RBFOX1: variants seen among roughly 807,000 people sequenced by gnomAD.
The protein encoded by RBFOX1 is RNA binding fox-1 homolog 1.
Under a neutral mutation model 57.7 loss-of-function variants are expected in RBFOX1, and 8 were observed. That is an observed-to-expected ratio of 0.14 (90% confidence interval 0.08 to 0.25). The LOEUF is 0.25. RBFOX1 is among the 10% of genes least tolerant of loss of function. RBFOX1 has a pLI of 1.00. For missense variants in RBFOX1, 611 were observed against 548.5 expected (o/e 1.11, Z -1.14); for synonymous variants, 326 against 222.4 (o/e 1.47, Z -4.15).
At chr16:7,669,200 G>A (rs1223645408) in intron 13 of RBFOX1, among the ~76,000 whole-genome samples, 1 of 152,196 alleles carries the variant, frequency 6.6e-6, no homozygotes, top group Non-Finnish European at 1.5e-5. Flanking sequence ...CACCATGACT[G>A]ACCCCTGAAG....
At chr16:6,654,287 C>T (rs1380359967) in intron 2 of RBFOX1, among the ~76,000 whole-genome samples, 6 of 152,142 alleles carry the variant, frequency 3.9e-5, no homozygotes, top group Admixed American at 3.9e-4. Flanking sequence ...CTGATGTGAA[C>T]AATTGTATGG....
At chr16:5,510,477 C>G (rs1374109122) in intron 2 of RBFOX1, among the ~76,000 whole-genome samples, 4 of 143,862 alleles carry the variant, frequency 2.8e-5, no homozygotes, top group African/African-American at 1.1e-4. Flanking sequence ...AGTCCTGAAA[C>G]CAGCATGTCA....
intron 1 of RBFOX1, among the ~76,000 whole-genome samples, chr16:5,426,044 A>T (rs1346317402): frequency 1.3e-5 from 2 of 152,170 alleles, no homozygotes; most frequent in Non-Finnish European, 1.5e-5. Context: ...CGGAACCCAA[A>T]ACACAAAACA....
intron 1 of RBFOX1, among the ~76,000 whole-genome samples, chr16:5,358,194 T>C (rs1567382018): frequency 6.6e-6 from 1 of 152,066 alleles, no homozygotes. Context: ...TGCATCACCC[T>C]GACCTCTACC....
Position 6,486,378 on chromosome 16 carries a change from T to G in RBFOX1, c.-63-168225T>G, listed in dbSNP as rs1390850164. ...TTAGATTTTGAGCACAGTTGTAATC[T>G]GGTGAAATGAAAAGTCATCTAAAAG... On this transcript the variant is annotated intron_variant, in intron 2 of 15. Transcript: ENST00000550418. Among the ~76,000 whole-genome samples the G allele has an allele frequency of 2.0e-5, 3 of 152,150 alleles. No homozygotes were observed. The South Asian group carries it at 6.2e-4, about 32-fold the overall frequency.
At position 6,379,681 on chromosome 16, in the gene RBFOX1, CAA is replaced by C. The variant is rs5815304; in HGVS notation, c.-64+62640_-64+62641del. On this transcript the variant is annotated intron_variant, in intron 2 of 15. Coordinates refer to ENST00000550418, the MANE Select transcript of RBFOX1 (RefSeq NM_018723.4). Reference sequence around the variant, plus strand: ...AGAGCTGTGCATTGGATTTAGCTACCAAAAAAAAAAAAAAAAAGTCTTGATGA... The same window carrying C: ...AGAGCTGTGCATTGGATTTAGCTACCAAAAAAAAAAAAAAAGTCTTGATGA... Among the ~76,000 whole-genome samples, 55 of 96,444 alleles carry C rather than the reference CAA, an allele frequency of 5.7e-4. 2 individuals are homozygous for C. Among genetic ancestry groups the C allele is most frequent in the East Asian group, 2.2e-3 (7 of 3,228 alleles). 63.3% of individuals were successfully genotyped at this position (96,444 alleles called of 152,430 possible). A position where few individuals can be genotyped will look rare whatever the true frequency, so the allele number is the denominator to read the frequency against.
intron 3 of RBFOX1, among the ~76,000 whole-genome samples, chr16:5,696,147 A>G (rs547618318): frequency 1.3e-4 from 20 of 152,278 alleles, no homozygotes; most frequent in African/African-American, 4.8e-4. Flanking sequence ...TTTTAATATT[A>G]TTTTATATTT....
intron 4 of RBFOX1, among the ~76,000 whole-genome samples, chr16:7,133,619 G>C (rs977600854): frequency 6.6e-6 from 1 of 152,124 alleles, no homozygotes; most frequent in Non-Finnish European, 1.5e-5. Flanking sequence ...CATTTTATTG[G>C]TGGAATGAAA....
chr16:7,634,372 C>T (rs552665490), intron 11 of RBFOX1, among the ~76,000 whole-genome samples: 2 of 149,046 alleles, frequency 1.3e-5, no homozygotes, highest in African/African-American at 5.0e-5. Context: ...GGATCTTTAA[C>T]TGGCCTTTGA....
chr16:6,539,525 C>T (rs1252074448), intron 2 of RBFOX1, among the ~76,000 whole-genome samples: 1 of 152,084 alleles, frequency 6.6e-6, no homozygotes, highest in African/African-American at 2.4e-5. Flanking sequence ...CAGTCAGGTG[C>T]AGTGGCTCAC....
intron 1 of RBFOX1, among the ~76,000 whole-genome samples, chr16:6,122,331 T>C (rs866919088): frequency 2.4e-4 from 37 of 151,416 alleles, no homozygotes; most frequent in Middle Eastern, 3.4e-3. Flanking sequence ...CTGTTATTTA[T>C]AACAGAACCT....
At chr16:5,825,867 A>C (rs1313008542) in intron 3 of RBFOX1, among the ~76,000 whole-genome samples, 16 of 122,576 alleles carry the variant, frequency 1.3e-4, no homozygotes, top group African/African-American at 4.3e-4. Flanking sequence ...ATGAATAAGG[A>C]ATAATATTCC....
intron 4 of RBFOX1, among the ~76,000 whole-genome samples, chr16:6,005,928 G>A (rs1413544662): frequency 1.3e-5 from 2 of 152,186 alleles, no homozygotes; most frequent in Non-Finnish European, 2.9e-5. Context: ...ATTTAGAGAC[G>A]AATGTGTCAT....
intron 3 of RBFOX1, among the ~76,000 whole-genome samples, chr16:6,667,058 G>A (rs891097429): frequency 3.3e-5 from 5 of 152,164 alleles, no homozygotes; most frequent in Admixed American, 2.6e-4. Flanking sequence ...AAAATGAGAT[G>A]TTAGTCGTAC....
chr16:5,376,513 G>T (rs1015899033), intron 1 of RBFOX1, among the ~76,000 whole-genome samples: 2 of 152,166 alleles, frequency 1.3e-5, no homozygotes, highest in African/African-American at 4.8e-5. Flanking sequence ...GAGCAGACAG[G>T]GCAGTGGGAG....
chr16:6,737,053 A>G (rs759889177), intron 3 of RBFOX1, among the ~76,000 whole-genome samples: 1 of 152,158 alleles, frequency 6.6e-6, no homozygotes, highest in Non-Finnish European at 1.5e-5. Context: ...GTGAACATCT[A>G]CCATGTGTCA....
intron 2 of RBFOX1, among the ~76,000 whole-genome samples, chr16:5,497,638 A>AAAT (rs71142625): frequency 0.012 from 1,694 of 139,436 alleles, 45 homozygotes; most frequent in Admixed American, 0.013. Context: ...AAAAAAAAAA[A>AAAT]GCTGGGCATG....
At chr16:5,841,682 T>A (rs1251920160) in intron 3 of RBFOX1, among the ~76,000 whole-genome samples, 6 of 152,188 alleles carry the variant, frequency 3.9e-5, no homozygotes, top group Admixed American at 3.9e-4. Flanking sequence ...GTCATGGGTG[T>A]CCTGTATTTA....
intron 4 of RBFOX1, among the ~76,000 whole-genome samples, chr16:5,934,814 A>G (rs2059135554): frequency 6.6e-6 from 1 of 152,216 alleles, no homozygotes. Flanking sequence ...TCAGACACTG[A>G]TATTCAGTGA....
Sources: allele counts gnomAD v4.1 joint callset (sites outside exome capture counted in the v4.1 genomes callset), GRCh38; gene constraint gnomAD v4.1.1; transcripts MANE v1.5; gene names NCBI Gene and HGNC (gene_info 2026-07-23, HGNC 2026-07-21).